The following ROBO1 variants were observed in gnomAD, a reference collection of about 807,000 sequenced individuals.
ROBO1 encodes the protein roundabout guidance receptor 1.
ROBO1 carries 149 observed loss-of-function variants against 195.9 expected under a neutral mutation model. The ratio of observed to expected loss-of-function variants is 0.76; its 90% CI spans 0.67 to 0.87. The LOEUF is 0.87. ROBO1 is among the 40% of genes least tolerant of loss of function. ROBO1 has a pLI of 0.00. For synonymous variants in ROBO1, 816 were observed against 733.2 expected (o/e 1.11, Z -1.82); for missense variants, 1,933 against 2,068.3 (o/e 0.93, Z 1.27).
intron 2 of ROBO1, among the ~76,000 whole-genome samples, chr3:79,416,642 A>G (rs1450822502): frequency 6.6e-6 from 1 of 151,636 alleles, no homozygotes; most frequent in Admixed American, 6.6e-5. Context: ...GAAAAAAAAG[A>G]AAACAAAAGA....
intron 1 of ROBO1, among the ~76,000 whole-genome samples, chr3:79,657,891 A>T (rs1214831472): frequency 2.0e-5 from 3 of 152,054 alleles, no homozygotes; most frequent in Non-Finnish European, 2.9e-5. Context: ...TGATGGACTT[A>T]GTAAGCCAGC....
intron 4 of ROBO1, among the ~76,000 whole-genome samples, chr3:78,817,974 C>G (rs750952073): frequency 6.6e-6 from 1 of 152,016 alleles, no homozygotes; most frequent in East Asian, 1.9e-4. Context: ...GACATTAGTC[C>G]CCACTGGTTA....
chr3:79,673,737 G>A (rs538094951), intron 1 of ROBO1, among the ~76,000 whole-genome samples: 2 of 152,074 alleles, frequency 1.3e-5, no homozygotes, highest in African/African-American at 2.4e-5. Context: ...TTCTAAACCA[G>A]AGTTTCATGT....
intron 4 of ROBO1, among the ~76,000 whole-genome samples, chr3:78,897,078 T>C (rs780369272): frequency 3.9e-5 from 6 of 152,234 alleles, no homozygotes; most frequent in Non-Finnish European, 7.3e-5. Context: ...GCCATCTCTC[T>C]ATAGCTATGT....
At chr3:79,378,796 A>T (rs2036470725) in intron 2 of ROBO1, among the ~76,000 whole-genome samples, 1 of 152,190 alleles carries the variant, frequency 6.6e-6, no homozygotes, top group South Asian at 2.1e-4. Flanking sequence ...CATCTCCCAC[A>T]TCATATAGCA....
chr3:78,659,265 T>G (rs896597666), intron 17 of ROBO1, among the ~76,000 whole-genome samples: 1 of 152,172 alleles, frequency 6.6e-6, no homozygotes, highest in South Asian at 2.1e-4. Context: ...TTTAAATACT[T>G]TAAAAAATAC....
chr3:79,392,460 A>C (rs1379907651), intron 2 of ROBO1, among the ~76,000 whole-genome samples: 1 of 152,178 alleles, frequency 6.6e-6, no homozygotes, highest in Non-Finnish European at 1.5e-5. Context: ...GAAAAATGTC[A>C]AGGCAGGAAT....
intron 3 of ROBO1, among the ~76,000 whole-genome samples, chr3:79,119,343 A>G (rs2080073108): frequency 6.6e-6 from 1 of 152,106 alleles, no homozygotes; most frequent in African/African-American, 2.4e-5. Context: ...TCTACTACCT[A>G]TTGTCCATTA....
intron 4 of ROBO1, among the ~76,000 whole-genome samples, chr3:78,747,877 G>T (rs988178616): frequency 4.6e-5 from 7 of 152,150 alleles, no homozygotes; most frequent in African/African-American, 1.7e-4. Flanking sequence ...TATGTGGCAT[G>T]TTAGTCTTAA....
intron 2 of ROBO1, among the ~76,000 whole-genome samples, chr3:79,135,907 G>A (rs540412078): frequency 1.3e-5 from 2 of 152,258 alleles, no homozygotes; most frequent in African/African-American, 2.4e-5. Flanking sequence ...AAAGTGCTGG[G>A]ATTTACAGGC....
intron 3 of ROBO1, among the ~76,000 whole-genome samples, chr3:79,044,144 G>A (rs1347457016): frequency 6.4e-5 from 9 of 141,366 alleles, no homozygotes; most frequent in African/African-American, 1.8e-4. Context: ...AAAAAAAATC[G>A]CAAAAAAAAA....
chr3:78,918,169 AT>A (rs2038737078), intron 4 of ROBO1, among the ~76,000 whole-genome samples: 1 of 152,196 alleles, frequency 6.6e-6, no homozygotes, highest in Non-Finnish European at 1.5e-5. Context: ...ACACATATAT[AT>A]GGTAAACCAT....
intron 2 of ROBO1, among the ~76,000 whole-genome samples, chr3:79,217,363 C>A (rs575012806): frequency 3.9e-5 from 6 of 151,954 alleles, no homozygotes; most frequent in Non-Finnish European, 8.8e-5. Flanking sequence ...AAGACAGATA[C>A]AATTTCAGAA....
chr3:78,957,400 C>T (rs1349429125), intron 3 of ROBO1, among the ~76,000 whole-genome samples: 4 of 151,350 alleles, frequency 2.6e-5, no homozygotes, highest in African/African-American at 4.9e-5. Context: ...AAAGTTAATA[C>T]AAATGGCAAG....
intron 1 of ROBO1, among the ~76,000 whole-genome samples, chr3:79,723,371 A>G (rs996953394): frequency 2.0e-5 from 3 of 152,212 alleles, no homozygotes; most frequent in African/African-American, 7.2e-5. Context: ...CCTCCAGACT[A>G]TATTTTAATC....
intron 4 of ROBO1, among the ~76,000 whole-genome samples, chr3:78,801,755 T>G (rs2084378230): frequency 1.3e-5 from 2 of 152,108 alleles, no homozygotes; most frequent in Admixed American, 6.5e-5. Context: ...TTATAACAAA[T>G]AGTAATACAA....
At chr3:79,695,354 G>A (rs576645469) in intron 1 of ROBO1, among the ~76,000 whole-genome samples, 3 of 151,502 alleles carry the variant, frequency 2.0e-5, no homozygotes, top group Non-Finnish European at 3.0e-5. Context: ...CCTCTTTGAC[G>A]ATGTGAGTAT....
At chr3:78,893,771 T>C (rs910976455) in intron 4 of ROBO1, among the ~76,000 whole-genome samples, 3 of 151,416 alleles carry the variant, frequency 2.0e-5, no homozygotes, top group Admixed American at 1.3e-4. Flanking sequence ...TTTTCCACAG[T>C]AAAAAAAAAT....
chr3:79,529,530 T>C (rs1241265348), intron 2 of ROBO1, among the ~76,000 whole-genome samples: 1 of 152,082 alleles, frequency 6.6e-6, no homozygotes, highest in East Asian at 1.9e-4. Flanking sequence ...AAAGATTTGA[T>C]TAGGTTTTAA....
Sources: gnomAD v4.1 joint callset for allele counts (sites outside exome capture counted in the v4.1 genomes callset) on GRCh38, gnomAD v4.1.1 for gene constraint, MANE v1.5 for transcripts, NCBI Gene and HGNC (gene_info 2026-07-23, HGNC 2026-07-21) for gene names.